The following UGT1A4 variants were observed in gnomAD, a reference collection of about 807,000 sequenced individuals.
UGT1A4 encodes the protein UDP glucuronosyltransferase family 1 member A4, also known as UDP-glucuronosyltransferase 1A4.
In UGT1A4, 32 loss-of-function variants were observed where a neutral mutation model predicts 41.1. That is an observed-to-expected ratio of 0.78 (90% CI 0.59 to 1.05). The LOEUF (loss-of-function observed/expected upper bound fraction) is 1.05. Among genes scored for constraint, UGT1A4 ranks in the 50% least tolerant of loss-of-function variants. The pLI, the probability that UGT1A4 is intolerant of heterozygous loss-of-function variation, is 0.00. For missense variants in UGT1A4, 748 were observed against 677.4 expected (o/e 1.10, Z -1.16); for synonymous variants, 283 against 265.1 (o/e 1.07, Z -0.66).
chr2:233,737,936 A>G (rs912128099), intron 1 of UGT1A4, among the ~76,000 whole-genome samples: 7 of 152,174 alleles, frequency 4.6e-5, no homozygotes, highest in Non-Finnish European at 8.8e-5. Flanking sequence ...TAGTGAGTCC[A>G]TTGACTGTTT....
intron 1 of UGT1A4, chr2:233,729,861 G>A (rs760591415): frequency 6.8e-6 from 11 of 1,613,756 alleles, no homozygotes; most frequent in Non-Finnish European, 8.5e-7. Flanking sequence ...AGGTGTCAGT[G>A]GTGGATATTC....
intron 1 of UGT1A4, among the ~76,000 whole-genome samples, chr2:233,733,693 C>T (rs2078430243): frequency 6.6e-6 from 1 of 152,134 alleles, no homozygotes; most frequent in Non-Finnish European, 1.5e-5. Flanking sequence ...TGATGTGCTG[C>T]TGGATTTGGT....
chr2:233,728,611 G>C (rs1206625269), intron 1 of UGT1A4, among the ~76,000 whole-genome samples: 1 of 152,228 alleles, frequency 6.6e-6, no homozygotes, highest in Non-Finnish European at 1.5e-5. Context: ...CCTCCACGCT[G>C]TTCAGAGAAA....
Position 233,743,547 on chromosome 2 carries a change from C to G in UGT1A4, c.868-23487C>G, listed in dbSNP as rs201114978. ...TTCCCCAGCAGTTCCTCTGACCCCC[C>G]CAAAATATTCTCCAGCGGGTTTCCC... is the stretch of plus-strand genomic sequence containing the variant. On this transcript the variant is annotated intron_variant, in intron 1 of 4. Coordinates refer to ENST00000373409, the MANE Select transcript of UGT1A4 (RefSeq NM_007120.3). 1.6e-4 allele frequency: 221 copies of G among 1,367,292 alleles called. 1 individual carries two copies. In the East Asian group the frequency reaches 2.5e-3, roughly 15 times the overall value. The allele number at this position is 1,367,292 out of a possible 1,614,324, so 84.7% of individuals were successfully genotyped here.
At chr2:233,759,612 A>G (rs992811783) in intron 1 of UGT1A4, among the ~76,000 whole-genome samples, 1 of 32,716 alleles carries the variant, frequency 3.1e-5, no homozygotes, top group African/African-American at 8.8e-5. Flanking sequence ...CGCCCCACCC[A>G]CCCACCTGTT....
chr2:233,752,739 T>C (rs1241633720), intron 1 of UGT1A4, among the ~76,000 whole-genome samples: 1 of 152,224 alleles, frequency 6.6e-6, no homozygotes, highest in East Asian at 1.9e-4. Context: ...AGAGAGACCC[T>C]GTCTCTAAAA....
chr2:233,761,081 C>A, intron 1 of UGT1A4: 2 of 1,614,180 alleles, frequency 1.2e-6, no homozygotes, highest in Non-Finnish European at 1.7e-6. Context: ...AAGGATTACC[C>A]TAGGCCCATC....
chr2:233,742,512 C>A (rs924249262), intron 1 of UGT1A4, among the ~76,000 whole-genome samples: 2 of 151,876 alleles, frequency 1.3e-5, no homozygotes, highest in African/African-American at 4.9e-5. Context: ...ATCATGAACA[C>A]GTCACAGTGC....
At chr2:233,722,528 A>G (rs2077020073) in intron 1 of UGT1A4, among the ~76,000 whole-genome samples, 1 of 152,150 alleles carries the variant, frequency 6.6e-6, no homozygotes, top group African/African-American at 2.4e-5. Context: ...TTTTGCCTTA[A>G]TGATTTCATC....
chr2:233,725,124 C>T (rs1317308405), intron 1 of UGT1A4, among the ~76,000 whole-genome samples: 3 of 137,634 alleles, frequency 2.2e-5, no homozygotes, highest in Admixed American at 7.2e-5. Context: ...TGCAGTGAGC[C>T]GAGATGGCAG....
rs368401609 is a variant in UGT1A4 at position 233,757,130 on chromosome 2, G to C, written c.868-9904G>C. 6.6e-5 allele frequency among the ~76,000 whole-genome samples: 10 copies of C among 151,528 alleles called. No homozygotes were observed. The East Asian group carries it at 9.8e-4, about 15-fold the overall frequency. ...AGCAGAAGGGCTAGAGAGGAGGAAT[G>C]AGCTTGGACAGGTGGGCTGGGGTCT... On this transcript the variant is annotated intron_variant, in intron 1 of 4. Coordinates refer to ENST00000373409, the MANE Select transcript of UGT1A4 (RefSeq NM_007120.3).
chr2:233,725,960 G>A (rs574964594), intron 1 of UGT1A4, among the ~76,000 whole-genome samples: 2 of 152,228 alleles, frequency 1.3e-5, no homozygotes, highest in East Asian at 3.9e-4. Flanking sequence ...GAGCCCAGGA[G>A]TCTGAGAGCA....
intron 1 of UGT1A4, chr2:233,755,414 G>T (rs11673726): frequency 0.36 from 117,303 of 321,602 alleles, 22,184 homozygotes; most frequent in African/African-American, 0.41. Context: ...GCCGAGGCCT[G>T]TGAGCGCCTC....
chr2:233,767,314 G>A, intron 2 of UGT1A4, 149 bp downstream of exon 2: 1 of 1,489,626 alleles, frequency 6.7e-7, no homozygotes, highest in Non-Finnish European at 8.8e-7. Flanking sequence ...GGTTTTTTTT[G>A]TTGTTGTGGT....
At chr2:233,726,457 C>G (rs1196256616) in intron 1 of UGT1A4, among the ~76,000 whole-genome samples, 2 of 152,164 alleles carry the variant, frequency 1.3e-5, no homozygotes, top group Admixed American at 1.3e-4. Context: ...TGAATGTAAG[C>G]TCATTTCTTT....
rs34681509 is a variant in UGT1A4 at position 233,762,717 on chromosome 2, GT to G, written c.868-4305del. On this transcript the variant is annotated intron_variant, in intron 1 of 4. Transcript: ENST00000373409. ...CATCTTTTCTTAAGTATTTTACACGGTTTTTTTTTTTTGGTCACTACTGTGA... is the reference window on the plus strand; with the variant it reads ...CATCTTTTCTTAAGTATTTTACACGGTTTTTTTTTTTGGTCACTACTGTGA... Among the ~76,000 whole-genome samples the G allele has an allele frequency of 9.0e-3, 1,271 of 141,024 alleles. 11 individuals carry two copies. The highest frequency in any genetic ancestry group is 0.017 in the Admixed American group (234 of 14,104). The allele number at this position is 141,024 out of a possible 152,430, so 92.5% of individuals were successfully genotyped here.
Position 233,747,399 on chromosome 2 carries a change from C to A in UGT1A4, c.868-19635C>A, listed in dbSNP as rs554943916. Reference sequence around the variant, plus strand: ...AGGCCACCAGGCGGTGGTCCTCACCCCAGAGGTGAATATGCACATCAAACA... The same window carrying A: ...AGGCCACCAGGCGGTGGTCCTCACCACAGAGGTGAATATGCACATCAAACA... On this transcript the variant is annotated intron_variant, in intron 1 of 4. Transcript: ENST00000373409. 2.5e-6 allele frequency: 4 copies of A among 1,606,666 alleles called. No individual in the cohort carries two copies. The East Asian group carries it at 8.9e-5, about 36-fold the overall frequency.
chr2:233,745,474 T>C (rs1693117475), intron 1 of UGT1A4, among the ~76,000 whole-genome samples: 1 of 151,746 alleles, frequency 6.6e-6, no homozygotes, highest in African/African-American at 2.4e-5. Context: ...GGGAAAATGA[T>C]TAACCAAAGA....
chr2:233,757,608 A>G (rs1273740652), intron 1 of UGT1A4, among the ~76,000 whole-genome samples: 6 of 144,098 alleles, frequency 4.2e-5, no homozygotes, highest in Non-Finnish European at 9.0e-5. Flanking sequence ...AGATATGCAA[A>G]CTGCTAAAAG....
Sources: allele counts gnomAD v4.1 joint callset (sites outside exome capture counted in the v4.1 genomes callset), GRCh38; gene constraint gnomAD v4.1.1; transcripts MANE v1.5; gene names NCBI Gene and HGNC (gene_info 2026-07-23, HGNC 2026-07-21).